STX18: variants seen among roughly 807,000 people sequenced by gnomAD.
STX18 encodes the protein syntaxin 18.
Under a neutral mutation model 50.1 loss-of-function variants are expected in STX18, and 40 were observed. The observed-to-expected ratio is 0.80, with a 90% CI of 0.62 to 1.04. The LOEUF is 1.04. Among genes scored for constraint, STX18 ranks in the 50% least tolerant of loss-of-function variants. The probability of loss-of-function intolerance (pLI) is 0.00; values close to 1 mark genes in which losing one functional copy is unlikely to be tolerated. For synonymous variants in STX18, 158 were observed against 151.8 expected (o/e 1.04, Z -0.30); for missense variants, 410 against 415.8 (o/e 0.99, Z 0.12).
chr4:4,472,010 T>C (rs1379619116), intron 1 of STX18, among the ~76,000 whole-genome samples: 1 of 152,240 alleles, frequency 6.6e-6, no homozygotes, highest in African/African-American at 2.4e-5. Context: ...ATGTGTTCAA[T>C]AAGGTTAATT....
chr4:4,429,229 G>C (rs1342008079), intron 7 of STX18, among the ~76,000 whole-genome samples: 1 of 152,140 alleles, frequency 6.6e-6, no homozygotes, highest in Non-Finnish European at 1.5e-5. Context: ...TTGGCACATG[G>C]TATGTGTCAC....
intron 1 of STX18, chr4:4,507,611 C>A (rs1253654160): frequency 1.3e-6 from 1 of 765,678 alleles, no homozygotes; most frequent in Non-Finnish European, 2.4e-6. Context: ...TCTTCCCAAG[C>A]GAAATTGTGG....
At chr4:4,520,504 A>G (rs1730460159) in intron 1 of STX18, among the ~76,000 whole-genome samples, 1 of 152,258 alleles carries the variant, frequency 6.6e-6, no homozygotes, top group Admixed American at 6.5e-5. Context: ...ACTTAAAGGA[A>G]TAAGATACCT....
chr4:4,427,114 CT>C (rs1201707590), intron 7 of STX18, among the ~76,000 whole-genome samples: 1 of 152,208 alleles, frequency 6.6e-6, no homozygotes, highest in Non-Finnish European at 1.5e-5. Context: ...GGCAGCTGTC[CT>C]CCTTTGGACA....
chr4:4,475,869 C>T (rs572766399), intron 1 of STX18, among the ~76,000 whole-genome samples: 1 of 152,210 alleles, frequency 6.6e-6, no homozygotes, highest in Non-Finnish European at 1.5e-5. Context: ...GATCCTCCCC[C>T]CTTGGCCTCC....
intron 1 of STX18, among the ~76,000 whole-genome samples, chr4:4,473,288 T>A (rs544650241): frequency 6.7e-6 from 1 of 150,260 alleles, no homozygotes; most frequent in South Asian, 2.1e-4. Flanking sequence ...TCAGGAAATC[T>A]GACTTTTTTT....
intron 1 of STX18, among the ~76,000 whole-genome samples, chr4:4,473,298 T>G (rs1375561417): frequency 6.6e-6 from 1 of 150,836 alleles, no homozygotes; most frequent in East Asian, 1.9e-4. Context: ...TGACTTTTTT[T>G]TTTTTTTTTT....
In STX18 at chr4:4,447,317, C is replaced by T. The variant is rs535230391; in HGVS notation, c.498-8808G>A. On this transcript the variant is annotated intron_variant, in intron 5 of 10. Transcript: ENST00000306200. ...ATAAAATGGGGCTCTGGGCCGGGCG[C>T]GGTGGCTCACGCCTGTAATCCCAGC... is the stretch of plus-strand genomic sequence containing the variant. Among the ~76,000 whole-genome samples the T allele has an allele frequency of 2.6e-5, 4 of 152,066 alleles. No homozygotes were observed. In the East Asian group the frequency reaches 5.8e-4, roughly 22 times the overall value.
At chr4:4,489,519 G>C (rs1728852421) in intron 1 of STX18, among the ~76,000 whole-genome samples, 1 of 144,086 alleles carries the variant, frequency 6.9e-6, no homozygotes, top group South Asian at 2.2e-4. Context: ...CAAAGTGCTG[G>C]GATTATAGGC....
chr4:4,542,050 G>A, upstream of STX18: 1 of 1,381,072 alleles, frequency 7.2e-7, no homozygotes, highest in South Asian at 1.6e-5. Flanking sequence ...TGAAGGACTG[G>A]TCCTGCCCCA....
At chr4:4,503,726 T>C (rs890198671) in intron 1 of STX18, among the ~76,000 whole-genome samples, 10 of 152,030 alleles carry the variant, frequency 6.6e-5, no homozygotes, top group African/African-American at 2.4e-4. Context: ...GAAAGTGAAA[T>C]GGAAATGTGA....
At chr4:4,508,770 C>G (rs1729858636) in intron 1 of STX18, among the ~76,000 whole-genome samples, 1 of 152,196 alleles carries the variant, frequency 6.6e-6, no homozygotes, top group Non-Finnish European at 1.5e-5. Context: ...TCCATGTGTT[C>G]TCATCATTCA....
At chr4:4,533,472 C>T (rs960507007) in intron 1 of STX18, among the ~76,000 whole-genome samples, 5 of 152,176 alleles carry the variant, frequency 3.3e-5, no homozygotes, top group African/African-American at 9.7e-5. Flanking sequence ...TAAATGAGAT[C>T]GGGCACATAA....
At chr4:4,532,890 T>A (rs969147571) in intron 1 of STX18, among the ~76,000 whole-genome samples, 1 of 152,198 alleles carries the variant, frequency 6.6e-6, no homozygotes, top group Non-Finnish European at 1.5e-5. Flanking sequence ...TTTCTTATCA[T>A]TTGACTACAA....
chr4:4,446,609 C>A (rs1726421208), intron 5 of STX18, among the ~76,000 whole-genome samples: 1 of 152,236 alleles, frequency 6.6e-6, no homozygotes, highest in Non-Finnish European at 1.5e-5. Context: ...CAATGAAATA[C>A]CACTCCACAT....
chr4:4,505,839 A>T (rs1729679044), intron 1 of STX18, among the ~76,000 whole-genome samples: 1 of 152,116 alleles, frequency 6.6e-6, no homozygotes, highest in South Asian at 2.1e-4. Flanking sequence ...AATGCTTATC[A>T]CTTTTGCAGC....
intron 7 of STX18, among the ~76,000 whole-genome samples, chr4:4,427,480 C>T (rs1306792352): frequency 2.0e-5 from 3 of 152,238 alleles, no homozygotes; most frequent in Non-Finnish European, 4.4e-5. Context: ...ATTACTAAAA[C>T]ATGCAGGCGC....
At chr4:4,535,738 T>C (rs532347991) in intron 1 of STX18, among the ~76,000 whole-genome samples, 67 of 152,320 alleles carry the variant, frequency 4.4e-4, no homozygotes, top group African/African-American at 1.6e-3. Flanking sequence ...TAAACCTCCA[T>C]TGTTTCCCAA....
chr4:4,454,323 C>T (rs530150579), intron 5 of STX18, among the ~76,000 whole-genome samples: 57 of 152,324 alleles, frequency 3.7e-4, no homozygotes, highest in African/African-American at 1.4e-3. Context: ...GGAGACAAGG[C>T]TATACTTCGC....
Sources: gnomAD v4.1 joint callset for allele counts (sites outside exome capture counted in the v4.1 genomes callset) on GRCh38, gnomAD v4.1.1 for gene constraint, MANE v1.5 for transcripts, NCBI Gene and HGNC (gene_info 2026-07-23, HGNC 2026-07-21) for gene names.